TSFM: variants seen among roughly 807,000 people sequenced by gnomAD.
TSFM encodes Ts translation elongation factor, mitochondrial.
A neutral mutation model predicts 33.4 loss-of-function variants in TSFM; 29 were observed. The observed-to-expected ratio is 0.87, with a 90% CI of 0.65 to 1.18. The LOEUF (loss-of-function observed/expected upper bound fraction) is 1.18, where lower values mean the gene tolerates loss of function less well. Among genes scored for constraint, TSFM ranks in the 50% most tolerant of loss-of-function variants. The pLI, the probability that TSFM is intolerant of heterozygous loss-of-function variation, is 0.00. For missense variants in TSFM, 394 were observed against 395.6 expected (o/e 1.00, Z 0.04); for synonymous variants, 178 against 163.5 (o/e 1.09, Z -0.68).
downstream of TSFM, among the ~76,000 whole-genome samples, chr12:57,798,830 C>G (rs960019579): frequency 2.0e-5 from 3 of 151,900 alleles, no homozygotes; most frequent in Non-Finnish European, 2.9e-5. Context: ...TTGGCCAGGC[C>G]AGTCTCGAAC....
downstream of TSFM, chr12:57,802,145 A>C (rs771763706): frequency 2.5e-6 from 4 of 1,612,932 alleles, no homozygotes; most frequent in South Asian, 4.4e-5. Flanking sequence ...GAGCTTCCCT[A>C]CTCTCTTTTC....
intron 4 of TSFM, among the ~76,000 whole-genome samples, chr12:57,790,164 G>A (rs924327880): frequency 4.7e-5 from 7 of 147,772 alleles, no homozygotes; most frequent in Admixed American, 2.1e-4. Flanking sequence ...CCTGGGTCCC[G>A]GTTCAAGCAG....
downstream of TSFM, chr12:57,797,762 T>TA (rs1565826647): frequency 3.7e-6 from 3 of 812,150 alleles, no homozygotes; most frequent in Non-Finnish European, 5.2e-6. Flanking sequence ...ATTTGCAGAC[T>TA]CTATTATATC....
intron 2 of TSFM, chr12:57,783,578 A>G (rs1004681160): frequency 1.6e-6 from 1 of 620,448 alleles, no homozygotes; most frequent in Admixed American, 2.1e-5. Context: ...TGGGGCCCCC[A>G]CACTGTCTGA....
At chr12:57,798,074 G>GA, downstream of TSFM, 1 of 1,047,590 alleles carries the variant, frequency 9.5e-7, no homozygotes, top group South Asian at 1.5e-5. Flanking sequence ...GTTGGAGCAA[G>GA]AGGGAGTTCT....
At chr12:57,801,218 A>G (rs1955841456), downstream of TSFM, 5 of 1,612,422 alleles carry the variant, frequency 3.1e-6, no homozygotes, top group African/African-American at 1.3e-5. Context: ...CCTGCCTGAG[A>G]AGAAGAGAGA....
chr12:57,784,499 C>T (rs1451223549), intron 2 of TSFM, among the ~76,000 whole-genome samples: 2 of 152,084 alleles, frequency 1.3e-5, no homozygotes, highest in Non-Finnish European at 2.9e-5. Flanking sequence ...TTTGTAATAA[C>T]AGCATAAAAC....
chr12:57,798,576 A>T (rs2140432836), downstream of TSFM, among the ~76,000 whole-genome samples: 1 of 152,118 alleles, frequency 6.6e-6, no homozygotes, highest in African/African-American at 2.4e-5. Context: ...GTCTGTGCCT[A>T]AATCAACTTC....
chr12:57,791,932 T>G (rs569194116), intron 4 of TSFM: 2 of 378,782 alleles, frequency 5.3e-6, no homozygotes, highest in East Asian at 2.0e-4. Context: ...CTCTAACATT[T>G]TATGATTTTA....
chr12:57,786,422 C>T lies in TSFM; in HGVS notation c.360+131C>T, dbSNP rs1214832420. Reference sequence around the variant, plus strand: ...ACCATAAAGCGTAGTTGAAGTTAAACTCATGAAACCCTGGGTATTAGTTAC... The same window carrying T: ...ACCATAAAGCGTAGTTGAAGTTAAATTCATGAAACCCTGGGTATTAGTTAC... On this transcript the variant is annotated intron_variant, in intron 3 of 5. Transcript: ENST00000652027. 1.9e-5 allele frequency: 22 copies of T among 1,149,922 alleles called. No individual in the cohort carries two copies. In the East Asian group the frequency reaches 5.7e-4, roughly 30 times the overall value. 71.2% of individuals were successfully genotyped at this position (1,149,922 alleles called of 1,614,324 possible).
chr12:57,785,885 C>T (rs1403373672), intron 2 of TSFM, among the ~76,000 whole-genome samples: 5 of 152,030 alleles, frequency 3.3e-5, no homozygotes, highest in Non-Finnish European at 5.9e-5. Flanking sequence ...ATATGCAGTC[C>T]GTCATTGTCC....
At chr12:57,788,758 C>G (rs1024189954) in intron 4 of TSFM, among the ~76,000 whole-genome samples, 3 of 152,158 alleles carry the variant, frequency 2.0e-5, no homozygotes, top group Non-Finnish European at 1.5e-5. Flanking sequence ...CCTCAGACTC[C>G]TGAGTAGCTG....
rs930955960 is a variant in TSFM, at chr12:57,783,641, CGGCGTGCAATGGCACGATGTT to C, written c.231+362_231+382del. 6.3e-5 allele frequency: 36 copies of C among 570,986 alleles called. No individual in the cohort carries two copies. In the African/African-American group the frequency reaches 6.6e-4, roughly 11 times the overall value. 35.4% of individuals were successfully genotyped at this position (570,986 alleles called of 1,614,324 possible). A position where few individuals can be genotyped will look rare whatever the true frequency, so the allele number is the denominator to read the frequency against. On this transcript the variant is annotated intron_variant, in intron 2 of 5. Transcript: ENST00000652027. ...CGGAGTCTTGCTCTGTGGCCCAGGCCGGCGTGCAATGGCACGATGTTGGCTCACTGCAACCTCCGCCTCCCG... is the reference window on the plus strand; with the variant it reads ...CGGAGTCTTGCTCTGTGGCCCAGGCCGGCTCACTGCAACCTCCGCCTCCCG...
chr12:57,789,624 C>A (rs1313795553), intron 4 of TSFM, among the ~76,000 whole-genome samples: 3 of 152,174 alleles, frequency 2.0e-5, no homozygotes, highest in Non-Finnish European at 4.4e-5. Context: ...CCTTGGCCTC[C>A]CAGAGTGCTG....
Position 57,787,044 on chromosome 12 carries a change from A to T in TSFM, c.365A>T (p.Asn122Ile), listed in dbSNP as rs190686305. The T allele has an allele frequency of 6.2e-7, 1 of 1,613,348 alleles. No homozygotes were observed. Among genetic ancestry groups the T allele is most frequent in the Admixed American group, 1.7e-5 (1 of 59,946 alleles). The change falls in exon 4 of 6, where the codon AAC (asparagine) becomes ATC (isoleucine). Residue 122 changes from asparagine (N) to isoleucine (I), a missense_variant. Asn to Ile is a moderately radical substitution (Grantham distance 149). Coordinates refer to ENST00000652027, the MANE Select transcript of TSFM (RefSeq NM_005726.6). ...EGNTTVLVEV[N>I]CETDFVSRNL... is the part of the protein sequence containing the mutation. ...TATATCAATTTGTTCCCACAGGTAA[A>T]CTGTGAGACAGATTTTGTTTCTAGA...
chr12:57,783,471 C>T, intron 2 of TSFM, 188 bp downstream of exon 2: 1 of 748,534 alleles, frequency 1.3e-6, no homozygotes, highest in South Asian at 1.5e-5. Context: ...TTGAGTATCC[C>T]AGGATTAACA....
At chr12:57,800,049 C>T, downstream of TSFM, 1 of 1,223,964 alleles carries the variant, frequency 8.2e-7, no homozygotes, top group Non-Finnish European at 1.1e-6. Flanking sequence ...TCTTTGATAA[C>T]AATGCTCCCC....
In TSFM at chr12:57,783,268, C is replaced by T. The variant is rs2140413344; in HGVS notation, c.216C>T (p.Gly72=). The change falls in exon 2 of 6, where the codon GGC becomes GGT. Residue 72 remains glycine, a synonymous_variant. Coordinates refer to ENST00000652027, the MANE Select transcript of TSFM (RefSeq NM_005726.6). ...GCAAGAAAGCTCTGGAGACTTGTGG[C>T]GGGGACCTCAAACAGGTGTGTGTGT... The part of the protein sequence containing the change: ...VNCKKALETC[G]GDLKQAEIWL... 2 of 1,613,708 alleles carry T rather than the reference C, an allele frequency of 1.2e-6. No homozygotes were observed. The highest frequency in any genetic ancestry group is 2.2e-5 in the South Asian group (2 of 91,082).
chr12:57,783,017 G>C, intron 1 of TSFM, 93 bp from the exon 2 acceptor site: 2 of 1,514,312 alleles, frequency 1.3e-6, no homozygotes, highest in Non-Finnish European at 8.9e-7. Flanking sequence ...TTTGCACACT[G>C]TCCGCTCCCT....
Sources: allele counts gnomAD v4.1 joint callset (sites outside exome capture counted in the v4.1 genomes callset), GRCh38; gene constraint gnomAD v4.1.1; transcripts MANE v1.5; gene names NCBI Gene and HGNC (gene_info 2026-07-23, HGNC 2026-07-21).